The following BACE2 variants were observed in gnomAD, a reference collection of about 807,000 sequenced individuals.
BACE2 encodes the protein 56 kDa aspartic-like protease.
In BACE2, 17 loss-of-function variants were observed where a neutral mutation model predicts 46.2. That is an observed-to-expected ratio of 0.37 (90% CI 0.25 to 0.55). The LOEUF is 0.55. Among genes scored for constraint, BACE2 ranks in the 20% least tolerant of loss-of-function variants. The pLI is 0.82. For missense variants in BACE2, 595 were observed against 698.1 expected, an observed-to-expected ratio of 0.85 and a Z score of 1.66; for synonymous variants, 277 against 295.9, an observed-to-expected ratio of 0.94 and a Z score of 0.66.
intron 1 of BACE2, among the ~76,000 whole-genome samples, chr21:41,173,683 TTGCAGTGAGCCGAGATCGTGTCAC>T (rs1984685690): frequency 6.6e-6 from 1 of 152,226 alleles, no homozygotes; most frequent in African/African-American, 2.4e-5. Context: ...GAGGCAAAGG[TTGCAGTGAGCCGAGATCGTGTCAC>T]TGCACTCCAG....
intron 1 of BACE2, chr21:41,179,754 G>C (rs1001621359): frequency 3.4e-6 from 3 of 870,690 alleles, no homozygotes; most frequent in Admixed American, 2.4e-5. Flanking sequence ...GGTGCCTGGT[G>C]TGGGGTGGGG....
intron 1 of BACE2, among the ~76,000 whole-genome samples, chr21:41,185,392 G>A (rs942351925): frequency 6.6e-6 from 1 of 152,138 alleles, no homozygotes; most frequent in Non-Finnish European, 1.5e-5. Context: ...ACCCAGTAGT[G>A]GAGATACTGA....
chr21:41,270,280 T>C (rs2088421582), intron 8 of BACE2, among the ~76,000 whole-genome samples: 2 of 152,218 alleles, frequency 1.3e-5, no homozygotes, highest in African/African-American at 4.8e-5. Context: ...GCCAAGTCTT[T>C]TTAGTCTGTT....
chr21:41,267,048 G>A (rs544105536), intron 8 of BACE2, among the ~76,000 whole-genome samples: 2 of 152,100 alleles, frequency 1.3e-5, no homozygotes, highest in South Asian at 4.2e-4. Flanking sequence ...GCAGTGAGTG[G>A]GAGCTCCTTG....
intron 1 of BACE2, among the ~76,000 whole-genome samples, chr21:41,215,760 G>C (rs933838333): frequency 1.3e-5 from 2 of 152,196 alleles, no homozygotes; most frequent in Non-Finnish European, 2.9e-5. Context: ...GTGGGGATCT[G>C]TCTATCGTAT....
At chr21:41,171,548 A>T (rs1008223242) in intron 1 of BACE2, among the ~76,000 whole-genome samples, 3 of 152,208 alleles carry the variant, frequency 2.0e-5, no homozygotes, top group African/African-American at 7.2e-5. Flanking sequence ...TGATCCCATT[A>T]TGTGGGTTCT....
chr21:41,226,150 TG>T, intron 1 of BACE2, 115 bp from the exon 2 acceptor site: 2 of 756,694 alleles, frequency 2.6e-6, no homozygotes, highest in Non-Finnish European at 4.4e-6. Flanking sequence ...ACTTTTTTTT[TG>T]TTCCAACTGA....
intron 1 of BACE2, among the ~76,000 whole-genome samples, chr21:41,221,909 G>GCAAA (rs1986668120): frequency 6.6e-6 from 1 of 151,964 alleles, no homozygotes; most frequent in Admixed American, 6.6e-5. Flanking sequence ...AGACAGAGCA[G>GCAAA]CAAACAGCAA....
At chr21:41,235,084 A>G (rs576677749) in intron 2 of BACE2, among the ~76,000 whole-genome samples, 1 of 152,324 alleles carries the variant, frequency 6.6e-6, no homozygotes, top group African/African-American at 2.4e-5. Flanking sequence ...GTAAAATAAC[A>G]TATTTCTCCT....
chr21:41,266,585 A>G (rs918276092), intron 8 of BACE2, among the ~76,000 whole-genome samples: 2 of 152,252 alleles, frequency 1.3e-5, no homozygotes, highest in Admixed American at 6.5e-5. Flanking sequence ...TCCATTTCTC[A>G]TGGGAGAGTT....
Position 41,278,709 on chromosome 21 carries a change from G to T in BACE2, c.*3085G>T, listed in dbSNP as rs1178976915. Reference sequence around the variant, plus strand: ...GGGATTCCATCATTTCATTTAAGAGGTGAAGAGGGATTTAATTATTTAATA... The same window carrying T: ...GGGATTCCATCATTTCATTTAAGAGTTGAAGAGGGATTTAATTATTTAATA... On this transcript the variant is annotated 3_prime_UTR_variant, in exon 9 of 9. Coordinates refer to ENST00000330333, the MANE Select transcript of BACE2 (RefSeq NM_012105.5). 6.6e-6 allele frequency: 1 copy of T among 152,184 alleles called. No individual in the cohort carries two copies. The highest frequency in any genetic ancestry group is 2.4e-5 in the African/African-American group (1 of 41,434). 9.4% of individuals were successfully genotyped at this position (152,184 alleles called of 1,614,324 possible). A position where few individuals can be genotyped will look rare whatever the true frequency, so the allele number is the denominator to read the frequency against.
At chr21:41,226,245 T>A in intron 1 of BACE2, 21 bp from the exon 2 acceptor site, 1 of 1,590,664 alleles carries the variant, frequency 6.3e-7, no homozygotes, top group Non-Finnish European at 8.6e-7. Context: ...CTATTTTTTT[T>A]TTCTCCTTAA....
chr21:41,249,599 T>C (rs925982159), intron 6 of BACE2, among the ~76,000 whole-genome samples: 1 of 152,308 alleles, frequency 6.6e-6, no homozygotes, highest in East Asian at 1.9e-4. Context: ...CCGCAGCATC[T>C]TCTGCAGCAC....
At chr21:41,218,930 T>C (rs1293801870) in intron 1 of BACE2, among the ~76,000 whole-genome samples, 2 of 151,606 alleles carry the variant, frequency 1.3e-5, no homozygotes, top group Non-Finnish European at 2.9e-5. Flanking sequence ...TGGTGTGATC[T>C]CAGCTCACTG....
At chr21:41,244,045 C>G (rs1987382556) in intron 5 of BACE2, among the ~76,000 whole-genome samples, 1 of 152,204 alleles carries the variant, frequency 6.6e-6, no homozygotes, top group Non-Finnish European at 1.5e-5. Flanking sequence ...GACACCAAAC[C>G]TCAGGACCAT....
At chr21:41,234,904 C>T (rs1413701815) in intron 2 of BACE2, among the ~76,000 whole-genome samples, 2 of 152,136 alleles carry the variant, frequency 1.3e-5, no homozygotes, top group South Asian at 2.1e-4. Flanking sequence ...TGCCCATTGT[C>T]GGGAGATCTG....
chr21:41,219,756 C>T (rs1986581580), intron 1 of BACE2, among the ~76,000 whole-genome samples: 1 of 152,232 alleles, frequency 6.6e-6, no homozygotes, highest in African/African-American at 2.4e-5. Context: ...TTGGTGTCCT[C>T]TAAGTGGAAA....
At chr21:41,178,454 G>C (rs185410921) in intron 1 of BACE2, 39 of 152,354 alleles carry the variant, frequency 2.6e-4, no homozygotes, top group Middle Eastern at 3.4e-3. Context: ...CGGCACATTG[G>C]CTGGGTGTGG....
rs1255551216 is a variant in BACE2 at position 41,281,855 on chromosome 21, G to C, written c.*6231G>C. On this transcript the variant is annotated 3_prime_UTR_variant, in exon 9 of 9. Transcript: ENST00000330333. Reference sequence around the variant, plus strand: ...GATGTCATCTCTCACATTTATATCAGTGAGGTTTGAAATTCTGTGTAGCAG... The same window carrying C: ...GATGTCATCTCTCACATTTATATCACTGAGGTTTGAAATTCTGTGTAGCAG... 1 of 152,050 alleles carries C rather than the reference G, an allele frequency of 6.6e-6. No individual in the cohort carries two copies. Among genetic ancestry groups the C allele is most frequent in the African/African-American group, 2.4e-5 (1 of 41,386 alleles). 9.4% of individuals were successfully genotyped at this position (152,050 alleles called of 1,614,324 possible).
Sources: allele counts gnomAD v4.1 joint callset (sites outside exome capture counted in the v4.1 genomes callset), GRCh38; gene constraint gnomAD v4.1.1; transcripts MANE v1.5; gene names NCBI Gene and HGNC (gene_info 2026-07-23, HGNC 2026-07-21).